Variants in ZNF566 observed in about 807,000 individuals in gnomAD.
ZNF566 encodes the protein zinc finger protein 566.
Under a neutral mutation model 32.8 loss-of-function variants are expected in ZNF566, and 27 were observed. The ratio of observed to expected loss-of-function variants is 0.82; its 90% CI spans 0.61 to 1.14. The LOEUF is 1.14. Among genes scored for constraint, ZNF566 ranks in the 50% most tolerant of loss-of-function variants. The pLI is 0.00. For synonymous variants in ZNF566, 154 were observed against 159.5 expected (o/e 0.97, Z 0.26); for missense variants, 402 against 490.4 (o/e 0.82, Z 1.70).
At position 36,447,840 on chromosome 19, in the gene ZNF566, CT is replaced by C. The variant is rs2033034694; in HGVS notation, c.*1136del. On this transcript the variant is annotated 3_prime_UTR_variant, in exon 5 of 5. Coordinates refer to ENST00000452939, the MANE Select transcript of ZNF566 (RefSeq NM_001145344.1). ...TCTTAACTTGTTACCTTCAAAGGGT[CT>C]TTCTTCAGTCAAACACCCTGCCTAA... is the stretch of plus-strand genomic sequence containing the variant. The C allele has an allele frequency of 6.6e-6, 1 of 152,086 alleles. No individual in the cohort carries two copies. Among genetic ancestry groups the C allele is most frequent in the African/African-American group, 2.4e-5 (1 of 41,420 alleles). 9.4% of individuals were successfully genotyped at this position (152,086 alleles called of 1,614,324 possible).
At chr19:36,451,174 T>C (rs928964592) in intron 4 of ZNF566, among the ~76,000 whole-genome samples, 2 of 152,188 alleles carry the variant, frequency 1.3e-5, no homozygotes, top group African/African-American at 4.8e-5. Context: ...CACCACTGAA[T>C]GTTCTCTTGG....
At chr19:36,468,125 C>T (rs534244513) in intron 4 of ZNF566, among the ~76,000 whole-genome samples, 3 of 143,498 alleles carry the variant, frequency 2.1e-5, no homozygotes, top group African/African-American at 2.6e-5. Context: ...GCAGAGGTTG[C>T]GGTGAGCCGA....
rs1600170777 is a variant in ZNF566, at chr19:36,476,609, G to A, written c.-52C>T. The A allele has an allele frequency of 1.2e-6, 2 of 1,611,622 alleles. No individual in the cohort carries two copies. Among genetic ancestry groups the A allele is most frequent in the Non-Finnish European group, 1.7e-6 (2 of 1,179,094 alleles). On this transcript the variant is annotated 5_prime_UTR_variant, in exon 2 of 5. Transcript: ENST00000452939. ...TTCTCTTGGCTCTTCTTTTGGAGAA[G>A]GGTAGAGCTGGGAGAGGCAAAAGAA... is the stretch of plus-strand genomic sequence containing the variant.
At chr19:36,480,278 A>ATTTTT (rs972968387) in intron 1 of ZNF566, among the ~76,000 whole-genome samples, 2 of 136,898 alleles carry the variant, frequency 1.5e-5, no homozygotes, top group Non-Finnish European at 3.3e-5. Flanking sequence ...ACTCCATGCA[A>ATTTTT]TTTTTTTTTC....
Position 36,445,303 on chromosome 19 carries a change from G to C in ZNF566, c.*3674C>G, listed in dbSNP as rs945727026. The C allele has an allele frequency of 6.6e-6, 1 of 152,134 alleles. No individual in the cohort carries two copies. Among genetic ancestry groups the C allele is most frequent in the Non-Finnish European group, 1.5e-5 (1 of 68,022 alleles). The allele number at this position is 152,134 out of a possible 1,614,324, so 9.4% of individuals were successfully genotyped here. A position where few individuals can be genotyped will look rare whatever the true frequency, so the allele number is the denominator to read the frequency against. On this transcript the variant is annotated 3_prime_UTR_variant, in exon 5 of 5. Coordinates refer to ENST00000452939, the MANE Select transcript of ZNF566 (RefSeq NM_001145344.1). Reference sequence around the variant, plus strand: ...AGTATTTTAATTCAGTAGGAGAAAGGTGAATAATAGTTACTTCTGGCATAA... The same window carrying C: ...AGTATTTTAATTCAGTAGGAGAAAGCTGAATAATAGTTACTTCTGGCATAA...
intron 4 of ZNF566, among the ~76,000 whole-genome samples, chr19:36,466,979 G>C (rs1235991275): frequency 2.0e-5 from 3 of 150,864 alleles, no homozygotes; most frequent in Admixed American, 2.0e-4. Flanking sequence ...TGAGGTAGGA[G>C]AATGGTGTGA....
intron 1 of ZNF566, among the ~76,000 whole-genome samples, chr19:36,479,529 A>C (rs1174910083): frequency 6.6e-6 from 1 of 152,256 alleles, no homozygotes; most frequent in African/African-American, 2.4e-5. Flanking sequence ...AAATGTTACT[A>C]AAAATGACAA....
At chr19:36,450,526 C>G (rs1179616703) in intron 4 of ZNF566, among the ~76,000 whole-genome samples, 1 of 152,140 alleles carries the variant, frequency 6.6e-6, no homozygotes, top group Admixed American at 6.6e-5. Context: ...TGCCTGTAAT[C>G]CCAGCTACTG....
chr19:36,482,103 A>T (rs1040394430), intron 1 of ZNF566, among the ~76,000 whole-genome samples: 13 of 152,020 alleles, frequency 8.6e-5, no homozygotes, highest in African/African-American at 3.1e-4. Context: ...GTTAATTTTT[A>T]TTTATTTATT....
chr19:36,473,190 T>C, intron 3 of ZNF566, 142 bp downstream of exon 3: 1 of 1,180,936 alleles, frequency 8.5e-7, no homozygotes, highest in Non-Finnish European at 1.2e-6. Flanking sequence ...TTCCTTTTTC[T>C]AACTCTACCA....
In ZNF566 at chr19:36,446,149, T is replaced by C. The variant is rs1185308003; in HGVS notation, c.*2828A>G. The C allele has an allele frequency of 6.6e-6, 1 of 152,184 alleles. No individual in the cohort carries two copies. The highest frequency in any genetic ancestry group is 2.4e-5 in the African/African-American group (1 of 41,454). 9.4% of individuals were successfully genotyped at this position (152,184 alleles called of 1,614,324 possible). A position where few individuals can be genotyped will look rare whatever the true frequency, so the allele number is the denominator to read the frequency against. ...ACATAATAAAATAATTGTGTGTTAATGTTTTAGCATGAAGAAATATATGGG... is the reference window on the plus strand; with the variant it reads ...ACATAATAAAATAATTGTGTGTTAACGTTTTAGCATGAAGAAATATATGGG... On this transcript the variant is annotated 3_prime_UTR_variant, in exon 5 of 5. Transcript: ENST00000452939.
intron 1 of ZNF566, among the ~76,000 whole-genome samples, chr19:36,479,916 TA>T (rs1167379573): frequency 6.6e-6 from 1 of 152,132 alleles, no homozygotes; most frequent in East Asian, 1.9e-4. Context: ...AGGCTTGTCT[TA>T]AACTCTTGGG....
chr19:36,458,968 C>G (rs1346183354), intron 4 of ZNF566, among the ~76,000 whole-genome samples: 2 of 152,218 alleles, frequency 1.3e-5, no homozygotes, highest in Non-Finnish European at 2.9e-5. Context: ...CTTCTCTTGC[C>G]TCAGCCTCCC....
chr19:36,457,124 A>G (rs902348222), intron 4 of ZNF566, among the ~76,000 whole-genome samples: 2 of 152,232 alleles, frequency 1.3e-5, no homozygotes, highest in Admixed American at 6.5e-5. Flanking sequence ...TTGGATTTTC[A>G]ATAAAGATGC....
intron 1 of ZNF566, among the ~76,000 whole-genome samples, chr19:36,477,687 C>T (rs1269406122): frequency 6.6e-6 from 1 of 151,348 alleles, no homozygotes; most frequent in African/African-American, 2.4e-5. Flanking sequence ...TACAGGCTCC[C>T]GCCACCACGC....
In ZNF566 at chr19:36,445,609, C is replaced by G. The variant is rs1490369512; in HGVS notation, c.*3368G>C. ...CCGAGGAGGGTGGATCACCTGAGGT[C>G]AGGAGTTCGAGACCAGCCTGACCAA... On this transcript the variant is annotated 3_prime_UTR_variant, in exon 5 of 5. Transcript: ENST00000452939. The G allele has an allele frequency of 6.6e-6, 1 of 152,168 alleles. No individual in the cohort carries two copies. Among genetic ancestry groups the G allele is most frequent in the African/African-American group, 2.4e-5 (1 of 41,438 alleles). 9.4% of individuals were successfully genotyped at this position (152,168 alleles called of 1,614,324 possible).
At chr19:36,473,239 G>T (rs117525688) in intron 3 of ZNF566, 93 bp downstream of exon 3, 12 of 1,461,424 alleles carry the variant, frequency 8.2e-6, no homozygotes, top group South Asian at 2.4e-5. Flanking sequence ...ATCAAAATTC[G>T]ACTGGTTTTT....
intron 1 of ZNF566, among the ~76,000 whole-genome samples, chr19:36,485,578 A>G (rs2034141338): frequency 6.6e-6 from 1 of 152,002 alleles, no homozygotes; most frequent in African/African-American, 2.4e-5. Context: ...CCTGGCCAAC[A>G]TGGTGAAACC....
At chr19:36,485,169 T>C (rs1462009459) in intron 1 of ZNF566, among the ~76,000 whole-genome samples, 1 of 149,198 alleles carries the variant, frequency 6.7e-6, no homozygotes, top group Non-Finnish European at 1.5e-5. Flanking sequence ...TTCTGCAGGC[T>C]GGGTGTGGCA....
Sources: allele counts gnomAD v4.1 joint callset (sites outside exome capture counted in the v4.1 genomes callset), GRCh38; gene constraint gnomAD v4.1.1; transcripts MANE v1.5; gene names NCBI Gene and HGNC (gene_info 2026-07-23, HGNC 2026-07-21).